Variants in MYH6 observed in about 807,000 individuals in gnomAD.
The protein encoded by MYH6 is myosin-6.
Under a neutral mutation model 223.2 loss-of-function variants are expected in MYH6, and 126 were observed. The ratio of observed to expected loss-of-function variants is 0.56; its 90% CI spans 0.49 to 0.65. The LOEUF (loss-of-function observed/expected upper bound fraction) is 0.65, where lower values mean the gene tolerates loss of function less well. Among genes scored for constraint, MYH6 ranks in the 30% least tolerant of loss-of-function variants. MYH6 has a pLI of 0.00. For synonymous variants in MYH6, 978 were observed against 1,010.2 expected (o/e 0.97, Z 0.61); for missense variants, 2,040 against 2,536.4 (o/e 0.80, Z 4.20).
intron 35 of MYH6, 97 bp from the exon 36 acceptor site, chr14:23,384,814 C>T: frequency 6.2e-7 from 1 of 1,613,294 alleles, no homozygotes; most frequent in Admixed American, 1.7e-5. Flanking sequence ...CTCAAATCCA[C>T]AGAACTGCAG....
chr14:23,397,092 G>A lies in MYH6; in HGVS notation c.2051-12C>T, dbSNP rs759024388. 6 of 1,614,244 alleles carry A rather than the reference G, an allele frequency of 3.7e-6. No individual in the cohort carries two copies. The South Asian group carries it at 6.6e-5, about 18-fold the overall frequency. On this transcript the variant is annotated splice_polypyrimidine_tract_variant and intron_variant, in intron 17 of 38. Transcript: ENST00000405093. ...GTTGTCCATCACCCCTGTGTCAGGA[G>A]GGAAGGGGAAAGGGTCAGCCTTAGG...
intron 15 of MYH6, among the ~76,000 whole-genome samples, chr14:23,398,112 G>A (rs961563145): frequency 6.6e-6 from 1 of 151,674 alleles, no homozygotes; most frequent in Admixed American, 6.6e-5. Context: ...CCGTCGCCCG[G>A]ATTCAAGCAA....
chr14:23,388,735 GT>G, intron 29 of MYH6, 123 bp downstream of exon 29: 1 of 1,411,836 alleles, frequency 7.1e-7, no homozygotes, highest in Non-Finnish European at 1.0e-6. Context: ...AAGCACTTCT[GT>G]TGCCCTCCGA....
At chr14:23,398,207 G>A (rs1434089297) in intron 15 of MYH6, among the ~76,000 whole-genome samples, 6 of 151,786 alleles carry the variant, frequency 4.0e-5, no homozygotes, top group South Asian at 2.1e-4. Context: ...TAGTAGAGAC[G>A]GGGTTTCACC....
chr14:23,396,378 G>A lies in MYH6; in HGVS notation c.2335C>T (p.Arg779Trp), dbSNP rs182951502. The A allele has an allele frequency of 7.4e-6, 12 of 1,613,992 alleles. No individual in the cohort carries two copies. The highest frequency in any genetic ancestry group is 2.2e-5 in the East Asian group (1 of 44,886). ...AGLLGLLEEM[R>W]DERLSRIITR... is the part of the protein sequence containing the mutation. ...ATGATGCGGCTCAGCCTCTCATCCC[G>A]CATCTCCTCCAGCAGCCCAAGCAGC... Residue 779 changes from arginine (R) to tryptophan (W), a missense_variant, in exon 20 of 39, where the codon CGG becomes TGG. Transcript: ENST00000405093.
chr14:23,385,951 G>A lies in MYH6; in HGVS notation c.5140C>T (p.Arg1714Trp), dbSNP rs140651265. The A allele has an allele frequency of 1.7e-5, 27 of 1,614,170 alleles. 1 individual carries two copies. The highest frequency in any genetic ancestry group is 5.0e-5 in the Admixed American group (3 of 60,018). ...AEQELIETSE[R>W]VQLLHSQNTS... Reference sequence around the variant, plus strand: ...ACCTGGGAATGCAGCAGCTGCACCCGCTCGCTGGTCTCAATCAGCTCCTGC... The same window carrying A: ...ACCTGGGAATGCAGCAGCTGCACCCACTCGCTGGTCTCAATCAGCTCCTGC... Residue 1714 changes from arginine to tryptophan, a missense_variant, in exon 34 of 39, where the codon CGG (arginine) becomes TGG (tryptophan). Arg to Trp is a moderately radical substitution (Grantham distance 101). Transcript: ENST00000405093.
intron 25 of MYH6, 88 bp downstream of exon 25, chr14:23,392,474 A>G (rs539249991): frequency 9.8e-7 from 1 of 1,021,118 alleles, no homozygotes; most frequent in African/African-American, 1.6e-5. Context: ...AGTTCCAGAT[A>G]TTGTGTAGAA....
chr14:23,389,644 G>A lies in MYH6; in HGVS notation c.3808C>T (p.Arg1270Cys), dbSNP rs371849826. ...TGGGTGGTGAAATCATTGAGGGAGC[G>A]TTGGGCCTCTTCTAGCTTCACGCGG... is the stretch of plus-strand genomic sequence containing the variant. ...EYRVKLEEAQ[R>C]SLNDFTTQRA... is the part of the protein sequence containing the mutation. The change falls in exon 27 of 39, where the codon CGC becomes TGC. Residue 1270 changes from arginine (R) to cysteine (C), a missense_variant. Transcript: ENST00000405093. 91 of 1,614,056 alleles carry A rather than the reference G, an allele frequency of 5.6e-5. No homozygotes were observed. Among genetic ancestry groups the A allele is most frequent in the African/African-American group, 9.3e-5 (7 of 74,920 alleles).
At position 23,383,339 on chromosome 14, in the gene MYH6, G is replaced by GGGGGGGGGGGGGGGGGCCCCCCCCC. The variant is rs1890918376; in HGVS notation, c.5566-20_5566-19insGGGGGGGGGCCCCCCCCCCCCCCCC. On this transcript the variant is annotated intron_variant, in intron 36 of 38. Transcript: ENST00000405093. The stretch of plus-strand genomic sequence containing the variant: ...CCTCTGTCTGGGGGTGGGAGGGTGG[G>GGGGGGGGGGGGGGGGGCCCCCCCCC]AGAAGCTGGTTTGGAGGGGGAGCAA... 1.8e-5 allele frequency: 2 copies of GGGGGGGGGGGGGGGGGCCCCCCCCC among 108,194 alleles called. No individual in the cohort carries two copies. Among genetic ancestry groups the GGGGGGGGGGGGGGGGGCCCCCCCCC allele is most frequent in the Non-Finnish European group, 1.8e-5 (1 of 54,376 alleles). 6.7% of individuals were successfully genotyped at this position (108,194 alleles called of 1,614,324 possible). A position where few individuals can be genotyped will look rare whatever the true frequency, so the allele number is the denominator to read the frequency against.
At chr14:23,385,071 T>C (rs759321429) in intron 34 of MYH6, 30 bp from the exon 35 acceptor site, 1 of 1,613,648 alleles carries the variant, frequency 6.2e-7, no homozygotes, top group Admixed American at 1.7e-5. Context: ...AATGATCAAA[T>C]ATATACTACA....
At chr14:23,385,132 A>C in intron 34 of MYH6, 91 bp from the exon 35 acceptor site, 1 of 1,427,724 alleles carries the variant, frequency 7.0e-7, no homozygotes, top group Non-Finnish European at 9.6e-7. Context: ...AAAGGTGGTC[A>C]TTTTTTTTTT....
intron 16 of MYH6, 50 bp downstream of exon 16, chr14:23,397,493 T>A: frequency 6.3e-7 from 1 of 1,581,926 alleles, no homozygotes; most frequent in East Asian, 2.2e-5. Flanking sequence ...CAGAAGTCTC[T>A]GGGCTGGGCC....
rs750429612 is a variant in MYH6, at chr14:23,400,765, GC to G, written c.1353del (p.Lys451AsnfsTer8). The G allele has an allele frequency of 1.2e-6, 2 of 1,614,228 alleles. No individual in the cohort carries two copies. The highest frequency in any genetic ancestry group is 2.7e-5 in the African/African-American group (2 of 75,054). On this transcript the variant is annotated frameshift_variant, in exon 13 of 39. Transcript: ENST00000405093. LOFTEE classifies it high-confidence loss of function. ...VTRINATLET[K>X]QPRQYFIGVL... is the part of the protein sequence containing the mutation. ...ACTCCTATGAAGTACTGGCGTGGCT[GC>G]TTGGTCTCCAGGGTGGCGTTGATGC...
intron 10 of MYH6, 30 bp from the exon 11 acceptor site, chr14:23,402,830 A>G (rs899649683): frequency 6.9e-7 from 1 of 1,445,408 alleles, no homozygotes. Flanking sequence ...AGGCAGGGGC[A>G]AGGGGGCAGG....
intron 36 of MYH6, 85 bp downstream of exon 36, chr14:23,384,357 G>C (rs1566504356): frequency 6.3e-7 from 1 of 1,587,548 alleles, no homozygotes; most frequent in African/African-American, 1.3e-5. Context: ...TCAAGGAGGA[G>C]GTGAGAGGAG....
Position 23,383,339 on chromosome 14 carries a change from G to GGGGGGGGCCCCCCCCCCC in MYH6, c.5566-20_5566-19insGGGGGGGGGGGCCCCCCC. On this transcript the variant is annotated intron_variant, in intron 36 of 38. Transcript: ENST00000405093. ...CCTCTGTCTGGGGGTGGGAGGGTGGGAGAAGCTGGTTTGGAGGGGGAGCAA... is the reference window on the plus strand; with the variant it reads ...CCTCTGTCTGGGGGTGGGAGGGTGGGGGGGGGGCCCCCCCCCCCAGAAGCTGGTTTGGAGGGGGAGCAA... 4 of 108,156 alleles carry GGGGGGGGCCCCCCCCCCC rather than the reference G, an allele frequency of 3.7e-5. No individual in the cohort carries two copies. Among genetic ancestry groups the GGGGGGGGCCCCCCCCCCC allele is most frequent in the South Asian group, 7.5e-5 (1 of 13,332 alleles). The allele number at this position is 108,156 out of a possible 1,614,324, so 6.7% of individuals were successfully genotyped here.
At position 23,396,448 on chromosome 14, in the gene MYH6, C is replaced by T. The variant is rs186922658; in HGVS notation, c.2293-28G>A. 7.0e-5 allele frequency: 113 copies of T among 1,612,232 alleles called. No homozygotes were observed. The African/African-American group carries it at 1.0e-3, about 15-fold the overall frequency. On this transcript the variant is annotated intron_variant, in intron 19 of 38. Coordinates refer to ENST00000405093, the MANE Select transcript of MYH6 (RefSeq NM_002471.4). The stretch of plus-strand genomic sequence containing the variant: ...GCAGGCAAGGGGTAGATGCAACAGG[C>T]CGCAGCCTCAGAGGGGAGTATCCAG...
At chr14:23,397,929 CTCCTCTTCTTCTTCTTCT>C (rs1366210289) in intron 15 of MYH6, among the ~76,000 whole-genome samples, 68 of 123,076 alleles carry the variant, frequency 5.5e-4, no homozygotes, top group African/African-American at 2.1e-3. Context: ...CCTCCTCCTC[CTCCTCTTCTTCTTCTTCT>C]TCTTCTTCTT....
Position 23,389,023 on chromosome 14 carries a change from C to T in MYH6, c.4011G>A (p.Ser1337=), listed in dbSNP as rs451794. ...AKNALAHALQ[S]ARHDCDLLRE... ...GCAGCAGGTCGCAGTCATGCCGGGC[C>T]GACTGCAGTGCATGGGCCAGGGCGT... The change falls in exon 29 of 39, where the codon TCG becomes TCA. Residue 1337 remains serine (S), a synonymous_variant. Transcript: ENST00000405093. 165,327 of 1,599,760 alleles carry T rather than the reference C, an allele frequency of 0.1. 9,748 individuals carry two copies. The highest frequency in any genetic ancestry group is 0.12 in the Non-Finnish European group (141,284 of 1,172,266).
Sources: gnomAD v4.1 joint callset for allele counts (sites outside exome capture counted in the v4.1 genomes callset) on GRCh38, gnomAD v4.1.1 for gene constraint, MANE v1.5 for transcripts, NCBI Gene and HGNC (gene_info 2026-07-23, HGNC 2026-07-21) for gene names.